Variants in TMCC1 observed in about 807,000 individuals in gnomAD.
TMCC1 encodes transmembrane and coiled-coil domains protein 1.
Under a neutral mutation model 52.4 loss-of-function variants are expected in TMCC1, and 15 were observed. The observed-to-expected ratio is 0.29, with a 90% CI of 0.19 to 0.44. TMCC1 has a LOEUF of 0.44. Among genes scored for constraint, TMCC1 ranks in the 20% least tolerant of loss-of-function variants. The pLI is 1.00. For synonymous variants in TMCC1, 279 were observed against 301.9 expected (o/e 0.92, Z 0.79); for missense variants, 503 against 806.0 (o/e 0.62, Z 4.55).
rs528770552 is a variant in TMCC1, at chr3:129,890,236, G to A, written c.-435+3258C>T. On this transcript the variant is annotated intron_variant, in intron 1 of 6. Coordinates refer to ENST00000393238, the MANE Select transcript of TMCC1 (RefSeq NM_001017395.5). ...AGGGTCATGTGGCAGAACTAACAGA[G>A]TTACACCTATACCCATTTAACTTAC... Among the ~76,000 whole-genome samples the A allele has an allele frequency of 7.2e-5, 11 of 152,342 alleles. No homozygotes were observed. In the South Asian group the frequency reaches 1.4e-3, roughly 20 times the overall value.
chr3:129,714,629 T>C (rs186124891), intron 4 of TMCC1, among the ~76,000 whole-genome samples: 120 of 152,330 alleles, frequency 7.9e-4, no homozygotes, highest in Admixed American at 4.4e-3. Flanking sequence ...AAAAGATCTT[T>C]TCCTTGAAGT....
chr3:129,727,334 A>G (rs2050185323), intron 4 of TMCC1, among the ~76,000 whole-genome samples: 1 of 152,096 alleles, frequency 6.6e-6, no homozygotes, highest in African/African-American at 2.4e-5. Context: ...ATTAATTCTG[A>G]GATTGTCTAT....
At chr3:129,655,289 AG>A (rs1252061082) in intron 5 of TMCC1, among the ~76,000 whole-genome samples, 186 bp from the exon 6 acceptor site, 1 of 152,200 alleles carries the variant, frequency 6.6e-6, no homozygotes, top group East Asian at 1.9e-4. Context: ...GCTTGTCTCA[AG>A]GCCAAATCAC....
At chr3:129,668,776 C>T in intron 5 of TMCC1, among the ~76,000 whole-genome samples, 1 of 152,132 alleles carries the variant, frequency 6.6e-6, no homozygotes, top group East Asian at 1.9e-4. Flanking sequence ...CAGGCATGCG[C>T]CACCATGCCC....
intron 4 of TMCC1, among the ~76,000 whole-genome samples, chr3:129,752,660 TCACA>T (rs111582731): frequency 6.1e-5 from 9 of 148,278 alleles, no homozygotes; most frequent in Admixed American, 2.7e-4. Context: ...AGCAAGACTG[TCACA>T]CACACACACA....
intron 5 of TMCC1, among the ~76,000 whole-genome samples, chr3:129,665,034 T>C (rs1255362098): frequency 2.0e-5 from 3 of 152,182 alleles, no homozygotes; most frequent in African/African-American, 7.2e-5. Flanking sequence ...AGAAACTAAC[T>C]GGACAAGAAT....
intron 4 of TMCC1, among the ~76,000 whole-genome samples, chr3:129,725,683 GA>G (rs1222748164): frequency 6.7e-6 from 1 of 148,880 alleles, no homozygotes; most frequent in Non-Finnish European, 1.5e-5. Flanking sequence ...TTTGAACATT[GA>G]TTTTTTTTTT....
chr3:129,654,475 A>G (rs995645678), intron 6 of TMCC1, among the ~76,000 whole-genome samples: 1 of 152,234 alleles, frequency 6.6e-6, no homozygotes, highest in African/African-American at 2.4e-5. Context: ...ATATAGAAAT[A>G]AGAAAAAATT....
intron 4 of TMCC1, among the ~76,000 whole-genome samples, chr3:129,692,009 C>T (rs984998406): frequency 6.6e-6 from 1 of 152,136 alleles, no homozygotes; most frequent in African/African-American, 2.4e-5. Flanking sequence ...AAAGATTCTT[C>T]TTACAGATTC....
chr3:129,691,790 A>G (rs1410859908), intron 4 of TMCC1, among the ~76,000 whole-genome samples: 7 of 152,154 alleles, frequency 4.6e-5, no homozygotes, highest in Admixed American at 1.3e-4. Flanking sequence ...CAGAAAGACC[A>G]TGGCCTCTTG....
intron 2 of TMCC1, among the ~76,000 whole-genome samples, chr3:129,871,174 C>A (rs1388369249): frequency 6.6e-6 from 1 of 151,972 alleles, no homozygotes; most frequent in Non-Finnish European, 1.5e-5. Context: ...GCCTTGCCAA[C>A]ATAGTAAAAC....
chr3:129,732,786 A>G (rs916376992), intron 4 of TMCC1, among the ~76,000 whole-genome samples: 6 of 152,170 alleles, frequency 3.9e-5, no homozygotes, highest in Non-Finnish European at 5.9e-5. Context: ...CTAGACCCCA[A>G]TCTGCTGTCA....
chr3:129,663,653 G>T (rs1015451663), intron 5 of TMCC1, among the ~76,000 whole-genome samples: 1 of 152,164 alleles, frequency 6.6e-6, no homozygotes, highest in East Asian at 1.9e-4. Context: ...GGTAGGCAAT[G>T]AATTATCTTA....
At chr3:129,836,229 G>C (rs549408339) in intron 2 of TMCC1, among the ~76,000 whole-genome samples, 1 of 152,130 alleles carries the variant, frequency 6.6e-6, no homozygotes, top group Non-Finnish European at 1.5e-5. Flanking sequence ...GAATTATAAA[G>C]AGAAGTGGGA....
At chr3:129,715,737 G>A (rs2049032323) in intron 4 of TMCC1, among the ~76,000 whole-genome samples, 1 of 152,070 alleles carries the variant, frequency 6.6e-6, no homozygotes, top group African/African-American at 2.4e-5. Context: ...CATTGTGAGT[G>A]CTTAAGTCTG....
intron 5 of TMCC1, 38 bp downstream of exon 5, chr3:129,670,292 A>C (rs2087813330): frequency 2.5e-6 from 4 of 1,581,600 alleles, no homozygotes; most frequent in Non-Finnish European, 3.4e-6. Flanking sequence ...GGGGAACCCT[A>C]CACAAATAAT....
At chr3:129,808,179 C>T (rs1051243142) in intron 4 of TMCC1, among the ~76,000 whole-genome samples, 2 of 151,760 alleles carry the variant, frequency 1.3e-5, no homozygotes, top group Non-Finnish European at 2.9e-5. Flanking sequence ...AAGACCCTGT[C>T]TAAAAATATA....
chr3:129,890,630 C>A (rs2061924570), intron 1 of TMCC1, among the ~76,000 whole-genome samples: 1 of 152,198 alleles, frequency 6.6e-6, no homozygotes, highest in Non-Finnish European at 1.5e-5. Flanking sequence ...GATAGGGACT[C>A]CAGAGCAGTT....
intron 2 of TMCC1, among the ~76,000 whole-genome samples, chr3:129,844,520 CT>C (rs902951269): frequency 2.0e-5 from 3 of 151,950 alleles, no homozygotes; most frequent in African/African-American, 7.3e-5. Context: ...TTTTTCTTAC[CT>C]TTGTTTTCAG....
Sources: allele counts gnomAD v4.1 joint callset (sites outside exome capture counted in the v4.1 genomes callset), GRCh38; gene constraint gnomAD v4.1.1; transcripts MANE v1.5; gene names NCBI Gene and HGNC (gene_info 2026-07-23, HGNC 2026-07-21).